FIP1L1: variants seen among roughly 807,000 people sequenced by gnomAD.
The protein encoded by FIP1L1 is factor interacting with PAPOLA and CPSF1, also known as pre-mRNA 3'-end-processing factor FIP1.
In FIP1L1, 21 loss-of-function variants were observed where a neutral mutation model predicts 84.6. That is an observed-to-expected ratio of 0.25 (90% CI 0.18 to 0.36). FIP1L1 has a LOEUF of 0.36. Ranked by LOEUF, FIP1L1 falls within the 10% of genes least tolerant of loss-of-function variation. FIP1L1 has a pLI of 1.00. For missense variants in FIP1L1, 526 were observed against 751.1 expected, an observed-to-expected ratio of 0.70 and a Z score of 3.50; for synonymous variants, 263 against 242.3, an observed-to-expected ratio of 1.09 and a Z score of -0.80.
chr4:53,393,661 T>C (rs1340049278), intron 9 of FIP1L1, among the ~76,000 whole-genome samples: 2 of 151,750 alleles, frequency 1.3e-5, no homozygotes, highest in Non-Finnish European at 2.9e-5. Context: ...GAGAAGTGAC[T>C]AGTGGGAATA....
At chr4:53,404,307 A>G (rs990115065) in intron 10 of FIP1L1, among the ~76,000 whole-genome samples, 1 of 150,914 alleles carries the variant, frequency 6.6e-6, no homozygotes, top group African/African-American at 2.4e-5. Context: ...GATGATTTCC[A>G]GTTTCATCCA....
At chr4:53,380,543 T>TG (rs1322693033) in intron 3 of FIP1L1, among the ~76,000 whole-genome samples, 1 of 152,146 alleles carries the variant, frequency 6.6e-6, no homozygotes, top group East Asian at 1.9e-4. Flanking sequence ...GATTGTATAA[T>TG]ATGTGAATTG....
At chr4:53,387,273 G>A (rs1308744019) in intron 5 of FIP1L1, among the ~76,000 whole-genome samples, 1 of 152,186 alleles carries the variant, frequency 6.6e-6, no homozygotes, top group African/African-American at 2.4e-5. Context: ...GGCCAGCCTG[G>A]GCAATATAGT....
intron 11 of FIP1L1, among the ~76,000 whole-genome samples, chr4:53,420,037 A>T (rs556142636): frequency 1.3e-5 from 2 of 151,774 alleles, no homozygotes; most frequent in African/African-American, 2.4e-5. Context: ...TCTACTAAAA[A>T]TACAATAAAA....
chr4:53,413,429 A>G (rs1758059779), intron 10 of FIP1L1, among the ~76,000 whole-genome samples: 1 of 152,118 alleles, frequency 6.6e-6, no homozygotes, highest in Non-Finnish European at 1.5e-5. Context: ...TTTAAAATAC[A>G]TTTTAGTCAT....
chr4:53,404,317 AT>A (rs1751984052), intron 10 of FIP1L1, among the ~76,000 whole-genome samples: 1 of 151,660 alleles, frequency 6.6e-6, no homozygotes, highest in Admixed American at 6.6e-5. Context: ...AGTTTCATCC[AT>A]GTCCCTGCAA....
chr4:53,428,249 T>G (rs1429848233), intron 13 of FIP1L1, 66 bp downstream of exon 13: 6 of 1,440,684 alleles, frequency 4.2e-6, no homozygotes, highest in Middle Eastern at 1.8e-4. Context: ...TTAAAATTTT[T>G]GACAATTAAA....
intron 15 of FIP1L1, among the ~76,000 whole-genome samples, chr4:53,444,518 T>A (rs1462675326): frequency 6.6e-6 from 1 of 152,186 alleles, no homozygotes; most frequent in Non-Finnish European, 1.5e-5. Flanking sequence ...CTTGACAACT[T>A]TATCCATTCC....
intron 3 of FIP1L1, among the ~76,000 whole-genome samples, chr4:53,381,750 A>ATTTT (rs1233462083): frequency 7.6e-4 from 48 of 63,018 alleles, no homozygotes; most frequent in African/African-American, 1.2e-3. Flanking sequence ...AGGCATTTGC[A>ATTTT]TTCTTTTTTT....
At chr4:53,409,101 C>CT (rs1755572886) in intron 10 of FIP1L1, among the ~76,000 whole-genome samples, 2 of 152,294 alleles carry the variant, frequency 1.3e-5, no homozygotes, top group East Asian at 3.9e-4. Flanking sequence ...TTTTTCTGCT[C>CT]TGTTTTTTCC....
chr4:53,395,919 A>ATTTTTTTTTTTTT (rs11400535), intron 9 of FIP1L1, among the ~76,000 whole-genome samples: 2 of 147,814 alleles, frequency 1.4e-5, no homozygotes, highest in Non-Finnish European at 3.0e-5. Flanking sequence ...GTATTTTATG[A>ATTTTTTTTTTTTT]TTTTTTTTTT....
At chr4:53,410,292 C>G (rs1315400640) in intron 10 of FIP1L1, among the ~76,000 whole-genome samples, 1 of 152,196 alleles carries the variant, frequency 6.6e-6, no homozygotes, top group African/African-American at 2.4e-5. Context: ...TTTCACCTTT[C>G]TGATTTGCTT....
chr4:53,399,668 A>G (rs748518306), intron 9 of FIP1L1, 62 bp from the exon 10 acceptor site: 23 of 1,020,730 alleles, frequency 2.3e-5, no homozygotes, highest in Admixed American at 4.2e-5. Context: ...TTTAACATCT[A>G]AAGTCCATTA....
intron 10 of FIP1L1, among the ~76,000 whole-genome samples, chr4:53,409,098 GCT>G (rs1309458346): frequency 6.6e-6 from 1 of 152,104 alleles, no homozygotes; most frequent in Non-Finnish European, 1.5e-5. Flanking sequence ...GAGTTTTTCT[GCT>G]CTGTTTTTTC....
At chr4:53,402,491 C>T (rs1486461818) in intron 10 of FIP1L1, among the ~76,000 whole-genome samples, 1 of 152,074 alleles carries the variant, frequency 6.6e-6, no homozygotes, top group African/African-American at 2.4e-5. Context: ...CTGTTGAGGG[C>T]AGGAGTTTGA....
intron 1 of FIP1L1, 28 bp downstream of exon 1, chr4:53,377,951 G>C (rs769123163): frequency 1.1e-4 from 171 of 1,544,392 alleles, no homozygotes; most frequent in Non-Finnish European, 1.5e-4. Context: ...TCTGTCTCTC[G>C]GGTTCTCTCA....
chr4:53,425,732 A>T, intron 11 of FIP1L1, 140 bp from the exon 12 acceptor site: 2 of 586,496 alleles, frequency 3.4e-6, no homozygotes, highest in Non-Finnish European at 6.0e-6. Flanking sequence ...AAACTCAGGG[A>T]TATTTTTCAA....
chr4:53,416,056 A>G (rs1759358521), intron 11 of FIP1L1, among the ~76,000 whole-genome samples: 2 of 152,374 alleles, frequency 1.3e-5, no homozygotes, highest in South Asian at 2.1e-4. Flanking sequence ...TTCAAGAGTT[A>G]TTTTAAATAA....
At chr4:53,441,989 T>C (rs1342349030) in intron 13 of FIP1L1, among the ~76,000 whole-genome samples, 1 of 151,880 alleles carries the variant, frequency 6.6e-6, no homozygotes, top group Non-Finnish European at 1.5e-5. Flanking sequence ...AACTGTTTTT[T>C]AGCCATATTA....
Sources: gnomAD v4.1 joint callset for allele counts (sites outside exome capture counted in the v4.1 genomes callset) on GRCh38, gnomAD v4.1.1 for gene constraint, MANE v1.5 for transcripts, NCBI Gene and HGNC (gene_info 2026-07-23, HGNC 2026-07-21) for gene names.